The following MAP3K13 variants were observed in gnomAD, a reference collection of about 807,000 sequenced individuals.
The protein encoded by MAP3K13 is mitogen-activated protein kinase kinase kinase 13, also known as leucine zipper-bearing kinase.
Under a neutral mutation model 104.0 loss-of-function variants are expected in MAP3K13, and 52 were observed. The observed-to-expected ratio is 0.50, with a 90% CI of 0.40 to 0.63. The LOEUF is 0.63. MAP3K13 is among the 20% of genes least tolerant of loss of function. The pLI is 0.00. For missense variants in MAP3K13, 914 were observed against 1,218.5 expected, an observed-to-expected ratio of 0.75 and a Z score of 3.72; for synonymous variants, 394 against 442.2, an observed-to-expected ratio of 0.89 and a Z score of 1.37.
At chr3:185,341,693 T>C (rs1036175746) in intron 2 of MAP3K13, among the ~76,000 whole-genome samples, 1 of 152,168 alleles carries the variant, frequency 6.6e-6, no homozygotes, top group African/African-American at 2.4e-5. Context: ...TTCTAATGAA[T>C]AGAATAAAGA....
intron 1 of MAP3K13, among the ~76,000 whole-genome samples, chr3:185,369,308 C>T (rs892728898): frequency 2.6e-5 from 4 of 152,108 alleles, no homozygotes; most frequent in African/African-American, 4.8e-5. Flanking sequence ...GATGGTGAAC[C>T]ATCAAACAAA....
chr3:185,308,589 A>G (rs1006398543), intron 2 of MAP3K13, among the ~76,000 whole-genome samples: 3 of 152,086 alleles, frequency 2.0e-5, no homozygotes, highest in African/African-American at 7.2e-5. Flanking sequence ...GCAGGTTCTC[A>G]GGTGCTGCAG....
chr3:185,381,136 T>C (rs1296637441), intron 1 of MAP3K13, among the ~76,000 whole-genome samples: 1 of 152,036 alleles, frequency 6.6e-6, no homozygotes, highest in East Asian at 1.9e-4. Flanking sequence ...CTAATTTTTC[T>C]ATTTTTAGTA....
intron 2 of MAP3K13, among the ~76,000 whole-genome samples, chr3:185,350,040 G>T (rs1295509068): frequency 6.6e-6 from 1 of 152,160 alleles, no homozygotes; most frequent in African/African-American, 2.4e-5. Flanking sequence ...CAGAAAAATA[G>T]AAATTTTTAT....
intron 12 of MAP3K13, 25 bp from the exon 13 acceptor site, chr3:185,480,207 T>A (rs1718362806): frequency 1.9e-6 from 3 of 1,603,534 alleles, no homozygotes; most frequent in South Asian, 2.2e-5. Context: ...TCTGACTAAG[T>A]TCTCCTGGTT....
In MAP3K13 at chr3:185,454,633, ATAT is replaced by A. The variant is rs1291675420; in HGVS notation, c.1278+3239_1278+3241del. Among the ~76,000 whole-genome samples the A allele has an allele frequency of 5.3e-3, 141 of 26,596 alleles. 56 individuals are homozygous for A. The highest frequency in any genetic ancestry group is 0.012 in the Non-Finnish European group (105 of 8,750). 17.4% of individuals were successfully genotyped at this position (26,596 alleles called of 152,430 possible). A position where few individuals can be genotyped will look rare whatever the true frequency, so the allele number is the denominator to read the frequency against. ...TATATGATATATATATGAGATATAT[ATAT>A]GAGATATATATATGATATATATATG... On this transcript the variant is annotated intron_variant, in intron 7 of 13. Coordinates refer to ENST00000265026, the MANE Select transcript of MAP3K13 (RefSeq NM_004721.5).
At chr3:185,366,292 T>C (rs1723884941) in intron 1 of MAP3K13, among the ~76,000 whole-genome samples, 1 of 152,176 alleles carries the variant, frequency 6.6e-6, no homozygotes. Context: ...TATCTTTTTA[T>C]TCCCAAGAAA....
rs1352916041 is a variant in MAP3K13, at chr3:185,488,040, G to A, written c.*5584G>A. Reference sequence around the variant, plus strand: ...TCCAATTGAAGGAACACCAATCACTGATGGATCCCATTCCAAAATGTCTCT... The same window carrying A: ...TCCAATTGAAGGAACACCAATCACTAATGGATCCCATTCCAAAATGTCTCT... On this transcript the variant is annotated 3_prime_UTR_variant, in exon 14 of 14. Transcript: ENST00000265026. 6.6e-6 allele frequency: 1 copy of A among 152,182 alleles called. No individual in the cohort carries two copies. Among genetic ancestry groups the A allele is most frequent in the Non-Finnish European group, 1.5e-5 (1 of 68,036 alleles). 9.4% of individuals were successfully genotyped at this position (152,182 alleles called of 1,614,324 possible). A position where few individuals can be genotyped will look rare whatever the true frequency, so the allele number is the denominator to read the frequency against.
Position 185,480,274 on chromosome 3 carries a change from T to C in MAP3K13, c.2544T>C (p.Phe848=), listed in dbSNP as rs1453504927. The C allele has an allele frequency of 6.2e-7, 1 of 1,614,224 alleles. No individual in the cohort carries two copies. The highest frequency in any genetic ancestry group is 1.1e-5 in the South Asian group (1 of 91,088). ...GCAGCTGCCAGTCATATTCAACCTTTAGCTCTGAGAATTTCTCTGTGTCTG... is the reference window on the plus strand; with the variant it reads ...GCAGCTGCCAGTCATATTCAACCTTCAGCTCTGAGAATTTCTCTGTGTCTG... ...CISSCQSYST[F]SSENFSVSDG... is the part of the protein sequence containing the mutation. The change falls in exon 13 of 14, where the codon TTT becomes TTC. Residue 848 remains phenylalanine (F), a synonymous_variant. Transcript: ENST00000265026.
chr3:185,319,095 T>G (rs2108692766), intron 2 of MAP3K13, among the ~76,000 whole-genome samples: 1 of 152,350 alleles, frequency 6.6e-6, no homozygotes, highest in Middle Eastern at 3.4e-3. Flanking sequence ...GAAATCCTAT[T>G]GTATGTCTTT....
At chr3:185,298,018 G>A (rs983222111) in intron 2 of MAP3K13, among the ~76,000 whole-genome samples, 1 of 148,006 alleles carries the variant, frequency 6.8e-6, no homozygotes, top group Non-Finnish European at 1.5e-5. Context: ...TGCCATGTCT[G>A]CAGGCCAGAG....
chr3:185,364,180 A>T (rs917430665), intron 1 of MAP3K13, among the ~76,000 whole-genome samples: 1 of 152,224 alleles, frequency 6.6e-6, no homozygotes, highest in Admixed American at 6.5e-5. Flanking sequence ...AACATGGAAA[A>T]GTTCTGATAT....
At chr3:185,285,574 CG>C in exon 2 of MAP3K13, 1 of 1,522,908 alleles carries the variant, frequency 6.6e-7, no homozygotes, top group Non-Finnish European at 8.8e-7. Flanking sequence ...AAGAAACCCA[CG>C]GACCATTAAT....
Position 185,315,512 on chromosome 3 carries a change from G to A in MAP3K13, c.-86+29869G>A, listed in dbSNP as rs138198331. On this transcript the variant is annotated intron_variant, in intron 2 of 14. Coordinates refer to the MAP3K13 transcript ENST00000424227. This position sits in a 1 kb window ranked among gnomAD's most constrained non-coding sequence, Gnocchi z 4.3. ...GGTCCAGCGACCATTAATTGAGAAC[G>A]ACTGCATTAGAAAAATCATGGGAAA... Among the ~76,000 whole-genome samples, 683 of 152,190 alleles carry A rather than the reference G, an allele frequency of 4.5e-3. 3 individuals are homozygous for A. The highest frequency in any genetic ancestry group is 0.016 in the African/African-American group (645 of 41,520).
Position 185,307,639 on chromosome 3 carries a change from G to T in MAP3K13, c.-86+21996G>T, listed in dbSNP as rs370338237. Among the ~76,000 whole-genome samples, 216 of 134,764 alleles carry T rather than the reference G, an allele frequency of 1.6e-3. 2 individuals are homozygous for T. Among genetic ancestry groups the T allele is most frequent in the African/African-American group, 5.4e-3 (194 of 36,256 alleles). The allele number at this position is 134,764 out of a possible 152,430, so 88.4% of individuals were successfully genotyped here. A position where few individuals can be genotyped will look rare whatever the true frequency, so the allele number is the denominator to read the frequency against. On this transcript the variant is annotated intron_variant, in intron 2 of 14. Coordinates refer to the MAP3K13 transcript ENST00000424227. ...GCTCCCTGCAACCTCCGCCTCCCAG[G>T]TTAAAGCAATTCTCCTGCCTCTGCT...
At chr3:185,314,338 G>A (rs776945315) in intron 2 of MAP3K13, among the ~76,000 whole-genome samples, 17 of 152,320 alleles carry the variant, frequency 1.1e-4, no homozygotes, top group Admixed American at 8.5e-4. Context: ...CATTCTGACT[G>A]GGGGCAGTGG....
intron 3 of MAP3K13, among the ~76,000 whole-genome samples, chr3:185,440,957 C>T (rs1180801719): frequency 6.6e-6 from 1 of 152,240 alleles, no homozygotes; most frequent in African/African-American, 2.4e-5. Context: ...TTACTATGAT[C>T]ATTCCCTTTT....
chr3:185,462,630 G>C (rs576812130), intron 7 of MAP3K13, among the ~76,000 whole-genome samples: 3 of 152,050 alleles, frequency 2.0e-5, no homozygotes, highest in Non-Finnish European at 4.4e-5. Context: ...AAAATTAGCC[G>C]GGTGTGGTGG....
chr3:185,354,614 G>T (rs778086524), intron 2 of MAP3K13, among the ~76,000 whole-genome samples: 2 of 151,476 alleles, frequency 1.3e-5, no homozygotes, highest in Admixed American at 1.3e-4. Flanking sequence ...AGTATGGGGG[G>T]GGGGCAGGGT....
Sources: gnomAD v4.1 joint callset for allele counts (sites outside exome capture counted in the v4.1 genomes callset) on GRCh38, gnomAD v4.1.1 for gene constraint, Gnocchi (gnomAD v3.1) non-coding constraint, MANE v1.5 for transcripts, NCBI Gene and HGNC (gene_info 2026-07-23, HGNC 2026-07-21) for gene names.